The following CSMD1 variants were observed in gnomAD, a reference collection of about 807,000 sequenced individuals.
CSMD1 encodes the protein CUB and Sushi multiple domains 1.
CSMD1 carries 213 observed loss-of-function variants against 417.5 expected under a neutral mutation model. That is an observed-to-expected ratio of 0.51 (90% CI 0.46 to 0.57). The LOEUF (loss-of-function observed/expected upper bound fraction) is 0.57, where lower values mean the gene tolerates loss of function less well. Ranked by LOEUF, CSMD1 falls within the 20% of genes least tolerant of loss-of-function variation. The pLI, the probability that CSMD1 is intolerant of heterozygous loss-of-function variation, is 0.00. For synonymous variants in CSMD1, 2,862 were observed against 1,736.8 expected (o/e 1.65, Z -16.11); for missense variants, 6,923 against 4,529.7 (o/e 1.53, Z -15.17).
chr8:3,142,944 C>T (rs1818594669), intron 40 of CSMD1, among the ~76,000 whole-genome samples: 1 of 152,024 alleles, frequency 6.6e-6, no homozygotes, highest in Admixed American at 6.6e-5. Context: ...AGCACCGTAC[C>T]ACAGAGCTAC....
chr8:4,792,490 C>T (rs184277914), intron 1 of CSMD1, among the ~76,000 whole-genome samples: 6 of 152,266 alleles, frequency 3.9e-5, no homozygotes, highest in East Asian at 1.9e-4. Context: ...TTTCTATTCC[C>T]GTTCCCTGGG....
intron 1 of CSMD1, among the ~76,000 whole-genome samples, chr8:4,729,149 A>C (rs1027663355): frequency 2.0e-5 from 3 of 152,220 alleles, no homozygotes; most frequent in Non-Finnish European, 4.4e-5. Flanking sequence ...GAACACAAGG[A>C]CAGGCTAATG....
Position 3,718,456 on chromosome 8 carries a change from A to G in CSMD1, c.932-9965T>C, listed in dbSNP as rs565655941. Among the ~76,000 whole-genome samples the G allele has an allele frequency of 2.6e-5, 4 of 152,308 alleles. No homozygotes were observed. The East Asian group carries it at 7.7e-4, about 29-fold the overall frequency. ...TCATCCTCTGAAAGCCTGATGTTAT[A>G]AGTCATCTTTTGCACCAGGAAAGAC... On this transcript the variant is annotated intron_variant, in intron 6 of 69. Transcript: ENST00000635120.
chr8:4,265,086 C>G (rs1385085118), intron 3 of CSMD1, among the ~76,000 whole-genome samples: 6 of 152,140 alleles, frequency 3.9e-5, no homozygotes, highest in Non-Finnish European at 7.3e-5. Context: ...ATAGAATCAT[C>G]ATATTCAGAG....
intron 5 of CSMD1, among the ~76,000 whole-genome samples, chr8:3,849,666 G>C (rs1803755296): frequency 6.6e-6 from 1 of 152,120 alleles, no homozygotes. Flanking sequence ...GGGAGGGGTC[G>C]ATTTTAGTGA....
chr8:4,409,192 T>C (rs1254205485), intron 3 of CSMD1, among the ~76,000 whole-genome samples: 3 of 152,196 alleles, frequency 2.0e-5, no homozygotes, highest in African/African-American at 7.2e-5. Flanking sequence ...TAAAAAATTA[T>C]CTACAAAATG....
chr8:3,937,993 A>C (rs1368419041), intron 5 of CSMD1, among the ~76,000 whole-genome samples: 1 of 152,204 alleles, frequency 6.6e-6, no homozygotes, highest in Non-Finnish European at 1.5e-5. Flanking sequence ...TGAATTTCAA[A>C]ATAACTAACT....
intron 12 of CSMD1, among the ~76,000 whole-genome samples, chr8:3,437,813 T>C (rs866006839): frequency 1.3e-5 from 2 of 151,676 alleles, no homozygotes; most frequent in Non-Finnish European, 2.9e-5. Flanking sequence ...AGTGGCACAA[T>C]CTCGGCTCAC....
rs190934547 is a variant in CSMD1 at position 3,795,097 on chromosome 8, C to A, written c.819-41055G>T. 4.8e-5 allele frequency among the ~76,000 whole-genome samples: 6 copies of A among 125,052 alleles called. 1 individual carries two copies. Among genetic ancestry groups the A allele is most frequent in the South Asian group, 5.6e-4 (2 of 3,598 alleles). 82.0% of individuals were successfully genotyped at this position (125,052 alleles called of 152,430 possible). Reference sequence around the variant, plus strand: ...ATCATGTACAGCTATAGATATATATCTATCATGTACAGCTATAGATATCTA... The same window carrying A: ...ATCATGTACAGCTATAGATATATATATATCATGTACAGCTATAGATATCTA... On this transcript the variant is annotated intron_variant, in intron 5 of 69. Transcript: ENST00000635120.
chr8:3,840,923 T>A (rs1409485057), intron 5 of CSMD1, among the ~76,000 whole-genome samples: 3 of 151,958 alleles, frequency 2.0e-5, no homozygotes, highest in Non-Finnish European at 4.4e-5. Flanking sequence ...GTCAGGCTGG[T>A]CTCGAACTCC....
At chr8:4,373,881 A>G (rs1802551833) in intron 3 of CSMD1, among the ~76,000 whole-genome samples, 1 of 152,226 alleles carries the variant, frequency 6.6e-6, no homozygotes, top group Admixed American at 6.5e-5. Context: ...GCTTTAACGC[A>G]GAAGCTGTTA....
intron 12 of CSMD1, among the ~76,000 whole-genome samples, chr8:3,462,091 G>C (rs1003112884): frequency 6.8e-6 from 1 of 147,980 alleles, no homozygotes; most frequent in Non-Finnish European, 1.5e-5. Context: ...GATCCCAAGG[G>C]CACCATTTGG....
At chr8:3,500,999 G>A (rs940861671) in intron 10 of CSMD1, among the ~76,000 whole-genome samples, 1 of 152,014 alleles carries the variant, frequency 6.6e-6, no homozygotes, top group Non-Finnish European at 1.5e-5. Flanking sequence ...AAATATTGTT[G>A]CTACTTTGAT....
intron 2 of CSMD1, among the ~76,000 whole-genome samples, chr8:4,463,032 C>A (rs1402077456): frequency 2.0e-5 from 3 of 152,066 alleles, no homozygotes; most frequent in African/African-American, 7.2e-5. Flanking sequence ...GGAAAGTTTG[C>A]AAATTATATA....
At chr8:3,882,206 G>A (rs560809683) in intron 5 of CSMD1, among the ~76,000 whole-genome samples, 3 of 151,436 alleles carry the variant, frequency 2.0e-5, no homozygotes, top group Non-Finnish European at 4.4e-5. Context: ...GAAAGAGAGA[G>A]ACAACCCATA....
intron 9 of CSMD1, among the ~76,000 whole-genome samples, chr8:3,576,212 C>T (rs17066428): frequency 0.013 from 2,013 of 151,928 alleles, 49 homozygotes; most frequent in African/African-American, 0.044. Context: ...AACCACTGAA[C>T]GCAGGTTTTC....
chr8:3,987,646 T>G (rs534887324), intron 5 of CSMD1, among the ~76,000 whole-genome samples: 44 of 152,258 alleles, frequency 2.9e-4, no homozygotes, highest in Admixed American at 6.5e-4. Context: ...GCTTTGCTGA[T>G]AAAGCAGAAG....
chr8:4,698,601 T>TTTTTA (rs1488008941), intron 1 of CSMD1, among the ~76,000 whole-genome samples: 1 of 151,138 alleles, frequency 6.6e-6, no homozygotes. Context: ...GATAGAAATT[T>TTTTTA]TTTTTTTTTT....
At chr8:3,209,753 A>G (rs1797497903) in intron 30 of CSMD1, among the ~76,000 whole-genome samples, 1 of 152,234 alleles carries the variant, frequency 6.6e-6, no homozygotes, top group African/African-American at 2.4e-5. Context: ...GTTATTTGGT[A>G]ATTAACATAT....
Sources: gnomAD v4.1 joint callset for allele counts (sites outside exome capture counted in the v4.1 genomes callset) on GRCh38, gnomAD v4.1.1 for gene constraint, MANE v1.5 for transcripts, NCBI Gene and HGNC (gene_info 2026-07-23, HGNC 2026-07-21) for gene names.